PIBF1: variants seen among roughly 807,000 people sequenced by gnomAD.
PIBF1 encodes progesterone immunomodulatory binding factor 1.
PIBF1 carries 90 observed loss-of-function variants against 112.5 expected under a neutral mutation model. The ratio of observed to expected loss-of-function variants is 0.80; its 90% CI spans 0.67 to 0.95. The LOEUF is 0.95. PIBF1 is among the 40% of genes least tolerant of loss of function. PIBF1 has a pLI of 0.00. For synonymous variants in PIBF1, 301 were observed against 288.6 expected (o/e 1.04, Z -0.44); for missense variants, 915 against 852.3 (o/e 1.07, Z -0.92).
intron 16 of PIBF1, among the ~76,000 whole-genome samples, chr13:72,983,957 C>A (rs1460301504): frequency 6.6e-6 from 1 of 152,084 alleles, no homozygotes; most frequent in African/African-American, 2.4e-5. Context: ...TGGTGCTCTT[C>A]AAGTTAAACT....
chr13:72,937,154 A>G lies in PIBF1; in HGVS notation c.1833+5887A>G, dbSNP rs543400879. 4.6e-5 allele frequency among the ~76,000 whole-genome samples: 7 copies of G among 152,242 alleles called. No homozygotes were observed. The South Asian group carries it at 1.2e-3, about 27-fold the overall frequency. On this transcript the variant is annotated intron_variant, in intron 14 of 17. Coordinates refer to ENST00000326291, the MANE Select transcript of PIBF1 (RefSeq NM_006346.4). Reference sequence around the variant, plus strand: ...GATTTTTTTAGAACACTTAACATCTAGTATATTTATTGATATGGTTATGTT... The same window carrying G: ...GATTTTTTTAGAACACTTAACATCTGGTATATTTATTGATATGGTTATGTT...
intron 10 of PIBF1, among the ~76,000 whole-genome samples, chr13:72,881,906 C>T (rs1415492238): frequency 2.0e-5 from 3 of 151,802 alleles, no homozygotes; most frequent in Non-Finnish European, 1.5e-5. Flanking sequence ...CTTAGTATAC[C>T]AATGACATTC....
At chr13:72,820,765 A>G (rs2036521254) in intron 5 of PIBF1, among the ~76,000 whole-genome samples, 2 of 152,180 alleles carry the variant, frequency 1.3e-5, no homozygotes, top group African/African-American at 4.8e-5. Context: ...CACAGGATGC[A>G]TTTAACATGC....
chr13:72,999,990 G>A (rs2043803715), intron 17 of PIBF1, among the ~76,000 whole-genome samples: 1 of 152,188 alleles, frequency 6.6e-6, no homozygotes, highest in Non-Finnish European at 1.5e-5. Flanking sequence ...TTGTCGGTGC[G>A]ATGGCACCAC....
rs150241419 is a variant in PIBF1, at chr13:72,783,378, A to G, written c.-47-45A>G. The G allele has an allele frequency of 1.4e-3, 1,207 of 855,326 alleles. 16 individuals are homozygous for G. In the African/African-American group the frequency reaches 0.018, roughly 13 times the overall value. The allele number at this position is 855,326 out of a possible 1,614,324, so 53.0% of individuals were successfully genotyped here. ...CTTTAATACAGTCCATGATTTCTGT[A>G]GTTAATTTTATAGTACATTTGAATT... On this transcript the variant is annotated intron_variant, in intron 1 of 17. Coordinates refer to ENST00000326291, the MANE Select transcript of PIBF1 (RefSeq NM_006346.4).
chr13:72,937,495 C>G (rs891058155), intron 14 of PIBF1, among the ~76,000 whole-genome samples: 3 of 152,098 alleles, frequency 2.0e-5, no homozygotes, highest in African/African-American at 7.2e-5. Flanking sequence ...ATATAAACTC[C>G]CATACTACAT....
chr13:72,981,854 A>G (rs995866775), intron 16 of PIBF1, among the ~76,000 whole-genome samples: 3 of 152,194 alleles, frequency 2.0e-5, no homozygotes, highest in Non-Finnish European at 4.4e-5. Flanking sequence ...GACTGGCATT[A>G]CCTTTATATT....
At chr13:72,944,299 T>G (rs1385184815) in intron 14 of PIBF1, among the ~76,000 whole-genome samples, 1 of 151,888 alleles carries the variant, frequency 6.6e-6, no homozygotes, top group African/African-American at 2.4e-5. Flanking sequence ...ATACAAAAAT[T>G]AGCTGGGCGT....
intron 10 of PIBF1, among the ~76,000 whole-genome samples, chr13:72,872,742 G>T (rs1047023216): frequency 1.3e-4 from 20 of 152,192 alleles, no homozygotes; most frequent in African/African-American, 4.8e-4. Flanking sequence ...ACTTTAGCAA[G>T]ATTATAGGAT....
At chr13:72,895,872 G>A (rs1344131198) in intron 11 of PIBF1, among the ~76,000 whole-genome samples, 4 of 152,138 alleles carry the variant, frequency 2.6e-5, no homozygotes, top group Non-Finnish European at 4.4e-5. Context: ...AAAGCCTCGG[G>A]CAAGTTTTCA....
intron 13 of PIBF1, among the ~76,000 whole-genome samples, chr13:72,921,770 A>G (rs1594201182): frequency 6.7e-6 from 1 of 149,910 alleles, no homozygotes; most frequent in East Asian, 1.9e-4. Context: ...AGTTCCTGAC[A>G]TAGAGTAGAT....
At chr13:72,834,722 T>A (rs956659758) in intron 8 of PIBF1, among the ~76,000 whole-genome samples, 2 of 152,232 alleles carry the variant, frequency 1.3e-5, no homozygotes, top group African/African-American at 4.8e-5. Flanking sequence ...TCATAATTTT[T>A]CCTAGCCTGT....
intron 17 of PIBF1, among the ~76,000 whole-genome samples, chr13:73,013,731 C>CAAAAAAAAAAA (rs113104076): frequency 8.8e-6 from 1 of 113,056 alleles, no homozygotes; most frequent in Non-Finnish European, 1.9e-5. Flanking sequence ...GAGCCTATCT[C>CAAAAAAAAAAA]AAAAAAAAAA....
chr13:72,958,206 A>G (rs1342460586), intron 14 of PIBF1, among the ~76,000 whole-genome samples: 1 of 150,878 alleles, frequency 6.6e-6, no homozygotes, highest in African/African-American at 2.5e-5. Flanking sequence ...TGATTAAGTA[A>G]GTCTAGAATG....
At chr13:72,830,901 T>G (rs956373335) in intron 8 of PIBF1, among the ~76,000 whole-genome samples, 1 of 152,204 alleles carries the variant, frequency 6.6e-6, no homozygotes, top group African/African-American at 2.4e-5. Flanking sequence ...CATCTCATCC[T>G]GGATTTTTTT....
rs796629828 is a variant in PIBF1 at position 72,898,850 on chromosome 13, G to GA, written c.1488+4917dup. Among the ~76,000 whole-genome samples the GA allele has an allele frequency of 6.5e-3, 647 of 99,152 alleles. 2 individuals are homozygous for GA. Among genetic ancestry groups the GA allele is most frequent in the African/African-American group, 0.015 (377 of 24,854 alleles). The allele number at this position is 99,152 out of a possible 152,430, so 65.0% of individuals were successfully genotyped here. A position where few individuals can be genotyped will look rare whatever the true frequency, so the allele number is the denominator to read the frequency against. ...GCAACAAGAGCGAAACTCCATCTCA[G>GA]AAAAAAAAAAAAAAAATTGATAGAC... is the stretch of plus-strand genomic sequence containing the variant. On this transcript the variant is annotated intron_variant, in intron 11 of 17. Coordinates refer to ENST00000326291, the MANE Select transcript of PIBF1 (RefSeq NM_006346.4).
chr13:72,935,755 G>A (rs1177986716), intron 14 of PIBF1, among the ~76,000 whole-genome samples: 1 of 152,054 alleles, frequency 6.6e-6, no homozygotes, highest in African/African-American at 2.4e-5. Flanking sequence ...TATTAGTGTG[G>A]TTTTAATTTG....
intron 5 of PIBF1, among the ~76,000 whole-genome samples, chr13:72,816,660 CAA>C (rs75770965): frequency 4.2e-5 from 3 of 70,834 alleles, no homozygotes. Flanking sequence ...GACCCTGTCT[CAA>C]AAAAAAAAAA....
At chr13:72,885,901 A>C (rs1413695415) in intron 10 of PIBF1, among the ~76,000 whole-genome samples, 1 of 152,146 alleles carries the variant, frequency 6.6e-6, no homozygotes, top group East Asian at 1.9e-4. Flanking sequence ...TTAAAGACCC[A>C]TGACTCTGGT....
Sources: allele counts gnomAD v4.1 joint callset (sites outside exome capture counted in the v4.1 genomes callset), GRCh38; gene constraint gnomAD v4.1.1; transcripts MANE v1.5; gene names NCBI Gene and HGNC (gene_info 2026-07-23, HGNC 2026-07-21).